Variants in NUP58 observed in about 807,000 individuals in gnomAD.
NUP58 encodes the protein nucleoporin 58.
Under a neutral mutation model 70.1 loss-of-function variants are expected in NUP58, and 17 were observed. The observed-to-expected ratio is 0.24, with a 90% CI of 0.17 to 0.36. The LOEUF (loss-of-function observed/expected upper bound fraction) is 0.36, where lower values mean the gene tolerates loss of function less well. Among genes scored for constraint, NUP58 ranks in the 10% least tolerant of loss-of-function variants. NUP58 has a pLI of 1.00. For missense variants in NUP58, 644 were observed against 701.5 expected (o/e 0.92, Z 0.93); for synonymous variants, 275 against 257.6 (o/e 1.07, Z -0.65).
At chr13:25,343,928 G>A (rs1360269765), downstream of NUP58, among the ~76,000 whole-genome samples, 9 of 150,796 alleles carry the variant, frequency 6.0e-5, no homozygotes, top group African/African-American at 1.7e-4. Flanking sequence ...CAGTTTCTTC[G>A]GGGTTGATTC....
rs2031148285 is a variant in NUP58 at position 25,320,816 on chromosome 13, G to GT, written c.777-99dup. ...AGTGTGAACTATAGATGAATTTTTA[G>GT]TTTTGTATTTTAAAACACTTGGACT... On this transcript the variant is annotated intron_variant, in intron 8 of 15. Transcript: ENST00000381736. The GT allele has an allele frequency of 6.0e-6, 5 of 829,948 alleles. No individual in the cohort carries two copies. The African/African-American group carries it at 8.8e-5, about 15-fold the overall frequency. 51.4% of individuals were successfully genotyped at this position (829,948 alleles called of 1,614,324 possible).
intron 6 of NUP58, among the ~76,000 whole-genome samples, chr13:25,318,973 T>A (rs111455102): frequency 6.6e-6 from 1 of 152,152 alleles, no homozygotes; most frequent in Middle Eastern, 3.4e-3. Flanking sequence ...GAAAGGGAAA[T>A]TCTTGCCCTT....
chr13:25,312,045 A>G (rs1211116939), intron 3 of NUP58, among the ~76,000 whole-genome samples: 1 of 152,318 alleles, frequency 6.6e-6, no homozygotes, highest in Middle Eastern at 3.4e-3. Context: ...AGACTTAATC[A>G]CCTGTAGGAG....
At chr13:25,329,337 A>T (rs1187054460) in intron 12 of NUP58, among the ~76,000 whole-genome samples, 1 of 152,236 alleles carries the variant, frequency 6.6e-6, no homozygotes, top group East Asian at 1.9e-4. Flanking sequence ...TCCCCCCACG[A>T]AGTATTTCAG....
intron 1 of NUP58, among the ~76,000 whole-genome samples, chr13:25,306,337 G>A (rs774767068): frequency 2.7e-5 from 4 of 150,400 alleles, no homozygotes; most frequent in Middle Eastern, 3.5e-3. Context: ...CCCGGGAGCC[G>A]GAGCTTGCGG....
At chr13:25,344,038 T>G (rs1245515984), downstream of NUP58, among the ~76,000 whole-genome samples, 13 of 152,120 alleles carry the variant, frequency 8.5e-5, no homozygotes, top group Admixed American at 8.5e-4. Context: ...AGCATGTATA[T>G]CCATTTCCTA....
Position 25,301,638 on chromosome 13 carries a change from C to A in NUP58, c.-136C>A. ...CTCCACCCCCTCAGCCTTGCCTTCGCCGCCGTTGGGGCTGGAAGTTCCCGC... is the reference window on the plus strand; with the variant it reads ...CTCCACCCCCTCAGCCTTGCCTTCGACGCCGTTGGGGCTGGAAGTTCCCGC... On this transcript the variant is annotated 5_prime_UTR_variant, in exon 1 of 16. Transcript: ENST00000381736. The A allele has an allele frequency of 2.2e-6, 1 of 463,068 alleles. No homozygotes were observed. The highest frequency in any genetic ancestry group is 3.8e-6 in the Non-Finnish European group (1 of 266,500). The allele number at this position is 463,068 out of a possible 1,614,324, so 28.7% of individuals were successfully genotyped here.
At chr13:25,335,636 G>A (rs2031753576) in intron 13 of NUP58, 10 of 984,992 alleles carry the variant, frequency 1.0e-5, no homozygotes, top group Non-Finnish European at 9.6e-6. Context: ...GTTATTGTTT[G>A]TTTTCTGGGT....
At chr13:25,302,347 C>T (rs1268715541) in intron 1 of NUP58, among the ~76,000 whole-genome samples, 2 of 152,032 alleles carry the variant, frequency 1.3e-5, no homozygotes, top group Non-Finnish European at 2.9e-5. Context: ...GGTTTTTAAC[C>T]AGCTTTTCAA....
At chr13:25,326,801 G>T in intron 10 of NUP58, 115 bp from the exon 11 acceptor site, 1 of 513,428 alleles carries the variant, frequency 1.9e-6, no homozygotes, top group Admixed American at 3.8e-5. Context: ...TCCTTTCCTT[G>T]GATAACCTTG....
At chr13:25,338,441 A>G (rs1279613273) in intron 14 of NUP58, among the ~76,000 whole-genome samples, 195 bp from the exon 15 acceptor site, 1 of 152,200 alleles carries the variant, frequency 6.6e-6, no homozygotes, top group Admixed American at 6.5e-5. Flanking sequence ...CTAAATAGAT[A>G]TAAACGTTTT....
Position 25,312,887 on chromosome 13 carries a change from G to T in NUP58, c.291G>T (p.Thr97=). The T allele has an allele frequency of 6.2e-7, 1 of 1,605,532 alleles. No homozygotes were observed. The highest frequency in any genetic ancestry group is 8.5e-7 in the Non-Finnish European group (1 of 1,175,732). The change falls in exon 4 of 16, where the codon ACG becomes ACT. Residue 97 remains threonine, a synonymous_variant. Coordinates refer to ENST00000381736, the MANE Select transcript of NUP58 (RefSeq NM_014089.4). ...TTCATTTATTTATTTAAATAGGAAC[G>T]CCAGCCACTACATCTGCAGCTACAA... ...TTITTGLTLG[T]PATTSAATTG...
Position 25,301,680 on chromosome 13 carries a change from G to T in NUP58, c.-94G>T. 1.6e-6 allele frequency: 1 copy of T among 623,164 alleles called. No homozygotes were observed. Among genetic ancestry groups the T allele is most frequent in the Non-Finnish European group, 2.5e-6 (1 of 392,288 alleles). The allele number at this position is 623,164 out of a possible 1,614,324, so 38.6% of individuals were successfully genotyped here. ...AGTTCCCGCCAGGTCCGTGCCGGGC[G>T]AGAGAGATGCTGCCCGGCCCGCCTC... is the stretch of plus-strand genomic sequence containing the variant. On this transcript the variant is annotated 5_prime_UTR_variant, in exon 1 of 16. Coordinates refer to ENST00000381736, the MANE Select transcript of NUP58 (RefSeq NM_014089.4).
chr13:25,335,416 GTC>G (rs1566071307), intron 13 of NUP58: 3 of 985,160 alleles, frequency 3.0e-6, no homozygotes, highest in African/African-American at 1.7e-5. Context: ...TGACAAACAA[GTC>G]TCTCAATGTT....
At chr13:25,308,119 C>A in intron 2 of NUP58, 171 bp downstream of exon 2, 2 of 579,440 alleles carry the variant, frequency 3.5e-6, no homozygotes, top group Non-Finnish European at 5.6e-6. Context: ...AGTGATAGGC[C>A]CAATCATTGA....
At chr13:25,334,848 A>T in intron 13 of NUP58, 1 of 984,292 alleles carries the variant, frequency 1.0e-6, no homozygotes, top group Non-Finnish European at 1.2e-6. Context: ...ATGTTACTCT[A>T]CATGAAGATT....
In NUP58 at chr13:25,301,734, C is replaced by A; in HGVS notation, c.-40C>A. ...TTTGAGGCGAGAGAAGTGTCCCAGA[C>A]CCATTTCGCCTTGCTGACGGCGTCG... On this transcript the variant is annotated 5_prime_UTR_variant, in exon 1 of 16. Transcript: ENST00000381736. 1.6e-6 allele frequency: 2 copies of A among 1,290,018 alleles called. No homozygotes were observed. Among genetic ancestry groups the A allele is most frequent in the Non-Finnish European group, 1.1e-6 (1 of 911,458 alleles). The allele number at this position is 1,290,018 out of a possible 1,614,324, so 79.9% of individuals were successfully genotyped here.
At chr13:25,338,333 G>A (rs2137836057) in intron 14 of NUP58, among the ~76,000 whole-genome samples, 1 of 152,244 alleles carries the variant, frequency 6.6e-6, no homozygotes, top group South Asian at 2.1e-4. Context: ...AATCATACTT[G>A]AATGGTGGGT....
Position 25,301,894 on chromosome 13 carries a change from C to T in NUP58, c.107+14C>T, listed in dbSNP as rs114091075. 2.2e-3 allele frequency: 3,440 copies of T among 1,573,614 alleles called. 82 individuals carry two copies. In the African/African-American group the frequency reaches 0.041, roughly 19 times the overall value. On this transcript the variant is annotated intron_variant, in intron 1 of 15. Coordinates refer to ENST00000381736, the MANE Select transcript of NUP58 (RefSeq NM_014089.4). The stretch of plus-strand genomic sequence containing the variant: ...GGGAGCGTCTAGGTAACCGCACTTT[C>T]TCGCCTTCCTGGGCCGGATTCACCC...
Sources: gnomAD v4.1 joint callset for allele counts (sites outside exome capture counted in the v4.1 genomes callset) on GRCh38, gnomAD v4.1.1 for gene constraint, MANE v1.5 for transcripts, NCBI Gene and HGNC (gene_info 2026-07-23, HGNC 2026-07-21) for gene names.